The following WNK2 variants were observed in gnomAD, a reference collection of about 807,000 sequenced individuals.
The protein encoded by WNK2 is serine/threonine-protein kinase WNK2.
A neutral mutation model predicts 192.1 loss-of-function variants in WNK2; 67 were observed. The ratio of observed to expected loss-of-function variants is 0.35; its 90% confidence interval spans 0.29 to 0.43. The LOEUF (loss-of-function observed/expected upper bound fraction) is 0.43, where lower values mean the gene tolerates loss of function less well. Ranked by LOEUF, WNK2 falls within the 20% of genes least tolerant of loss-of-function variation. The probability of loss-of-function intolerance (pLI) is 1.00; values close to 1 mark genes in which losing one functional copy is unlikely to be tolerated. For synonymous variants in WNK2, 1,439 were observed against 1,393.9 expected, an observed-to-expected ratio of 1.03 and a Z score of -0.72; for missense variants, 2,698 against 3,089.7, an observed-to-expected ratio of 0.87 and a Z score of 3.01.
intron 28 of WNK2, among the ~76,000 whole-genome samples, chr9:93,310,835 A>G (rs1276343678): frequency 2.6e-5 from 4 of 152,210 alleles, no homozygotes; most frequent in African/African-American, 9.7e-5. Flanking sequence ...GTGGTTGCAC[A>G]TGCCTGTGGT....
At chr9:93,195,699 C>CAA (rs59357990) in intron 2 of WNK2, among the ~76,000 whole-genome samples, 16,458 of 41,354 alleles carry the variant, frequency 0.4, 4,077 homozygotes, top group Non-Finnish European at 0.48. Context: ...GACTTTGTCT[C>CAA]AAAAAAAAAA....
intron 6 of WNK2, among the ~76,000 whole-genome samples, chr9:93,238,787 T>A (rs114165704): frequency 0.02 from 3,001 of 152,232 alleles, 98 homozygotes; most frequent in African/African-American, 0.069. Context: ...TGTTTGGCCC[T>A]TCTCAAAAAT....
At chr9:93,207,944 CACCCCTTCCACGTGGCACCTTGATGCCTG>C (rs1192183442) in intron 2 of WNK2, among the ~76,000 whole-genome samples, 2 of 152,246 alleles carry the variant, frequency 1.3e-5, no homozygotes, top group Non-Finnish European at 2.9e-5. Flanking sequence ...CTTCGTGTCC[CACCCCTTCCACGTGGCACCTTGATGCCTG>C]CTCCCTTCCT....
At chr9:93,197,306 G>A (rs1011672809) in intron 2 of WNK2, among the ~76,000 whole-genome samples, 8 of 152,190 alleles carry the variant, frequency 5.3e-5, no homozygotes, top group Non-Finnish European at 1.2e-4. Flanking sequence ...TCCAGGATAG[G>A]ACCTGAGGCA....
chr9:93,274,292 C>T (rs11789723), intron 19 of WNK2, among the ~76,000 whole-genome samples: 18,900 of 152,114 alleles, frequency 0.12, 1,278 homozygotes, highest in African/African-American at 0.16. Flanking sequence ...GCGGGTGGAT[C>T]ACGACGTCAG....
rs999182056 is a variant in WNK2 at position 93,208,667 on chromosome 9, T to C, written c.682-21029T>C. 9.4e-4 allele frequency among the ~76,000 whole-genome samples: 143 copies of C among 152,374 alleles called. 1 individual carries two copies. The highest frequency in any genetic ancestry group is 3.3e-3 in the African/African-American group (137 of 41,588). On this transcript the variant is annotated intron_variant, in intron 2 of 29. Transcript: ENST00000427277. The stretch of plus-strand genomic sequence containing the variant: ...ATGTTCTGTGTGTGCATGTATTCTG[T>C]GTGTTCTTCATGTGTGCATGTGTTC...
chr9:93,184,375 C>G lies in WNK2; in HGVS notation c.-13C>G, dbSNP rs1435217770. Among the ~76,000 whole-genome samples the G allele has an allele frequency of 6.6e-6, 1 of 151,458 alleles. No individual in the cohort carries two copies. The highest frequency in any genetic ancestry group is 2.4e-5 in the African/African-American group (1 of 41,350). Reference sequence around the variant, plus strand: ...GCCGGGCCGCGGGCATGGACGGCGTCCGCTCGCCCTGTGAGTGCCGAGCCT... The same window carrying G: ...GCCGGGCCGCGGGCATGGACGGCGTGCGCTCGCCCTGTGAGTGCCGAGCCT... On this transcript the variant is annotated 5_prime_UTR_variant, in exon 1 of 30. Transcript: ENST00000427277.
chr9:93,237,648 C>T (rs552869284), intron 5 of WNK2, among the ~76,000 whole-genome samples: 96 of 152,192 alleles, frequency 6.3e-4, no homozygotes, highest in Non-Finnish European at 1.2e-3. Context: ...TCGTGGGTCA[C>T]ATTTTCTTGC....
At chr9:93,209,837 C>T (rs1319586069) in intron 2 of WNK2, among the ~76,000 whole-genome samples, 1 of 152,218 alleles carries the variant, frequency 6.6e-6, no homozygotes, top group Non-Finnish European at 1.5e-5. Context: ...CCATGTCATC[C>T]TCCAGGAAGC....
chr9:93,262,826 T>C, intron 14 of WNK2, 107 bp downstream of exon 14: 2 of 1,271,462 alleles, frequency 1.6e-6, no homozygotes, highest in South Asian at 2.5e-5. Context: ...CACTATAGTT[T>C]GCCCTGATGC....
intron 2 of WNK2, among the ~76,000 whole-genome samples, chr9:93,195,699 C>CAAAAAAAA (rs59357990): frequency 0.021 from 892 of 41,572 alleles, 114 homozygotes; most frequent in African/African-American, 0.086. Flanking sequence ...GACTTTGTCT[C>CAAAAAAAA]AAAAAAAAAA....
At chr9:93,262,175 A>T in intron 13 of WNK2, 68 bp downstream of exon 13, 1 of 1,492,894 alleles carries the variant, frequency 6.7e-7, no homozygotes, top group Non-Finnish European at 9.0e-7. Flanking sequence ...CTGCATAGTG[A>T]CCTGGGGTCT....
rs147749673 is a variant in WNK2 at position 93,299,102 on chromosome 9, G to A, written c.5956G>A (p.Ala1986Thr). 21 of 1,611,098 alleles carry A rather than the reference G, an allele frequency of 1.3e-5. No homozygotes were observed. Among genetic ancestry groups the A allele is most frequent in the East Asian group, 2.2e-5 (1 of 44,876 alleles). Residue 1986 changes from alanine to threonine, a missense_variant, in exon 25 of 30, where the codon GCT becomes ACT. Ala to Thr is a moderately conservative substitution (Grantham distance 58, BLOSUM62 0). Transcript: ENST00000427277. ...HLADSSRGPP[A>T]KDPAQASVGL... ...GGCTGACTCCAGCAGAGGCCCTCCC[G>A]CTAAGGACCCTGCCCAAGCCAGTGT...
chr9:93,267,830 C>T lies in WNK2; in HGVS notation c.3781C>T (p.Leu1261Phe), dbSNP rs1845408733. The T allele has an allele frequency of 1.2e-6, 2 of 1,612,698 alleles. No individual in the cohort carries two copies. Among genetic ancestry groups the T allele is most frequent in the African/African-American group, 1.3e-5 (1 of 75,034 alleles). The change falls in exon 17 of 30, where the codon CTC (leucine) becomes TTC (phenylalanine). Residue 1261 changes from leucine (L) to phenylalanine (F), a missense_variant. Coordinates refer to ENST00000427277, the MANE Select transcript of WNK2 (RefSeq NM_006648.4). ...KDVMDKAEDMLSEDTDADRGS... is the reference protein window; with the variant it reads ...KDVMDKAEDMFSEDTDADRGS... The stretch of plus-strand genomic sequence containing the variant: ...TGTCATGGACAAGGCAGAGGACATG[C>T]TCAGCGAGGACACAGACGCCGACCG...
intron 2 of WNK2, among the ~76,000 whole-genome samples, chr9:93,207,820 G>T (rs2131409077): frequency 6.6e-6 from 1 of 152,316 alleles, no homozygotes; most frequent in South Asian, 2.1e-4. Context: ...AGATTGCAAA[G>T]AATTTGGGAA....
chr9:93,256,171 T>G, intron 9 of WNK2, 128 bp from the exon 10 acceptor site: 5 of 1,152,942 alleles, frequency 4.3e-6, no homozygotes, highest in Non-Finnish European at 5.7e-6. Flanking sequence ...TCTGCTGTCA[T>G]GTTCCTGGGA....
At chr9:93,185,711 G>T in intron 2 of WNK2, 101 bp downstream of exon 2, 1 of 1,348,448 alleles carries the variant, frequency 7.4e-7, no homozygotes. Flanking sequence ...AGAAGCCCTG[G>T]GGGCGGCGGG....
At chr9:93,296,377 C>T (rs1383265786) in intron 23 of WNK2, among the ~76,000 whole-genome samples, 1 of 15,182 alleles carries the variant, frequency 6.6e-5, no homozygotes, top group African/African-American at 3.3e-4. Context: ...CCTCCCCTCA[C>T]CTTCCTCCCC....
intron 11 of WNK2, among the ~76,000 whole-genome samples, chr9:93,258,122 T>G (rs899101323): frequency 2.0e-5 from 3 of 152,204 alleles, no homozygotes; most frequent in African/African-American, 7.2e-5. Flanking sequence ...TCTTGCTCGT[T>G]CAGACAGACA....
Sources: allele counts gnomAD v4.1 joint callset (sites outside exome capture counted in the v4.1 genomes callset), GRCh38; gene constraint gnomAD v4.1.1; transcripts MANE v1.5; gene names NCBI Gene and HGNC (gene_info 2026-07-23, HGNC 2026-07-21).